The following BABAM2 variants were observed in gnomAD, a reference collection of about 807,000 sequenced individuals.
BABAM2 encodes BRISC and BRCA1-A complex member 2.
Under a neutral mutation model 54.7 loss-of-function variants are expected in BABAM2, and 31 were observed. The observed-to-expected ratio is 0.57, with a 90% CI of 0.43 to 0.77. The LOEUF is 0.77. BABAM2 is among the 30% of genes least tolerant of loss of function. The probability of loss-of-function intolerance (pLI) is 0.00; values close to 1 mark genes in which losing one functional copy is unlikely to be tolerated. For synonymous variants in BABAM2, 167 were observed against 162.9 expected, an observed-to-expected ratio of 1.03 and a Z score of -0.19; for missense variants, 364 against 455.8, an observed-to-expected ratio of 0.80 and a Z score of 1.83.
intron 7 of BABAM2, among the ~76,000 whole-genome samples, chr2:28,149,349 C>T (rs1045993030): frequency 3.3e-5 from 5 of 152,138 alleles, no homozygotes; most frequent in African/African-American, 9.7e-5. Flanking sequence ...TTCATTCCCC[C>T]GTCTTGTTGT....
At chr2:28,220,824 A>G (rs1380310859) in intron 7 of BABAM2, among the ~76,000 whole-genome samples, 1 of 152,122 alleles carries the variant, frequency 6.6e-6, no homozygotes, top group Non-Finnish European at 1.5e-5. Flanking sequence ...TAGGACGCTG[A>G]GGTAGGAGGA....
At chr2:27,959,912 T>G (rs1246070464) in intron 3 of BABAM2, among the ~76,000 whole-genome samples, 2 of 152,192 alleles carry the variant, frequency 1.3e-5, no homozygotes, top group African/African-American at 4.8e-5. Context: ...ATAGTTTTAT[T>G]TTTATTTTTT....
At chr2:28,107,232 G>A (rs548629416) in intron 6 of BABAM2, among the ~76,000 whole-genome samples, 1 of 151,840 alleles carries the variant, frequency 6.6e-6, no homozygotes, top group Non-Finnish European at 1.5e-5. Context: ...CTCTCCTCTG[G>A]ACCACTCTAG....
chr2:28,200,009 T>G (rs1238244380), intron 7 of BABAM2, among the ~76,000 whole-genome samples: 1 of 152,228 alleles, frequency 6.6e-6, no homozygotes. Flanking sequence ...AGCACTTGTA[T>G]CTTTTCTACT....
intron 7 of BABAM2, among the ~76,000 whole-genome samples, chr2:28,196,222 GA>G (rs965641648): frequency 6.6e-6 from 1 of 151,938 alleles, no homozygotes; most frequent in African/African-American, 2.4e-5. Context: ...AGCTACTCGG[GA>G]GGCTGAGGTA....
At chr2:28,219,512 A>C (rs188391002) in intron 7 of BABAM2, among the ~76,000 whole-genome samples, 62 of 152,228 alleles carry the variant, frequency 4.1e-4, no homozygotes, top group Admixed American at 9.8e-4. Context: ...CATCTCACCA[A>C]AGTCCCTTTA....
intron 6 of BABAM2, among the ~76,000 whole-genome samples, chr2:28,077,069 G>T (rs1664755266): frequency 6.6e-6 from 1 of 152,036 alleles, no homozygotes; most frequent in African/African-American, 2.4e-5. Flanking sequence ...AGGCTGACAG[G>T]CCTTTTCAGC....
rs1382025323 is a variant in BABAM2 at position 27,958,566 on chromosome 2, A to G, written c.205+28658A>G. On this transcript the variant is annotated intron_variant, in intron 3 of 11. Transcript: ENST00000379624. ...TATGTTTATATATACACACACATAT[A>G]TATGTATATATGTATATTTAGTTTT... is the stretch of plus-strand genomic sequence containing the variant. 2.7e-5 allele frequency among the ~76,000 whole-genome samples: 4 copies of G among 150,716 alleles called. No homozygotes were observed. The South Asian group carries it at 6.2e-4, about 24-fold the overall frequency.
chr2:27,949,737 C>G (rs192679210), intron 3 of BABAM2, among the ~76,000 whole-genome samples: 2 of 152,220 alleles, frequency 1.3e-5, no homozygotes, highest in Admixed American at 1.3e-4. Context: ...TTTCTTTTCC[C>G]TCAACCCTTT....
At chr2:28,309,804 T>G in intron 11 of BABAM2, 4 of 339,652 alleles carry the variant, frequency 1.2e-5, no homozygotes, top group South Asian at 1.2e-4. Context: ...GATGAGGGAG[T>G]TTTCCAGGCC....
intron 3 of BABAM2, among the ~76,000 whole-genome samples, chr2:27,948,857 GTATTAA>G (rs1669497387): frequency 6.6e-6 from 1 of 152,198 alleles, no homozygotes; most frequent in African/African-American, 2.4e-5. Context: ...TCACCATTAA[GTATTAA>G]TATTATGTTG....
intron 10 of BABAM2, among the ~76,000 whole-genome samples, chr2:28,273,182 G>A (rs1685572509): frequency 6.6e-6 from 1 of 152,202 alleles, no homozygotes; most frequent in African/African-American, 2.4e-5. Context: ...TGAGGCTTCA[G>A]CCCTTGGAAT....
At chr2:28,128,663 G>A (rs972533819) in intron 6 of BABAM2, among the ~76,000 whole-genome samples, 2 of 152,056 alleles carry the variant, frequency 1.3e-5, no homozygotes, top group Non-Finnish European at 2.9e-5. Context: ...GTACATACTT[G>A]GATCAACAAT....
intron 4 of BABAM2, among the ~76,000 whole-genome samples, chr2:27,992,511 T>A (rs1001363731): frequency 6.6e-6 from 1 of 152,122 alleles, no homozygotes; most frequent in African/African-American, 2.4e-5. Flanking sequence ...ATAATTAAAA[T>A]GTTGGAATAA....
chr2:28,126,272 T>C (rs1384752892), intron 6 of BABAM2, among the ~76,000 whole-genome samples: 2 of 148,672 alleles, frequency 1.3e-5, no homozygotes, highest in Non-Finnish European at 3.0e-5. Context: ...TACGTATATC[T>C]CCTAATGCTA....
chr2:28,246,155 G>A lies in BABAM2; in HGVS notation c.934+1293G>A, dbSNP rs116073863. ...TCACCATCATAACCTACAGTGTGGG[G>A]CCAGGTAAGGAGGAAGCCCCACAAT... On this transcript the variant is annotated intron_variant, in intron 10 of 11. Coordinates refer to ENST00000379624, the MANE Select transcript of BABAM2 (RefSeq NM_199191.3). Among the ~76,000 whole-genome samples the A allele has an allele frequency of 3.5e-3, 531 of 152,230 alleles. 3 individuals are homozygous for A. Among genetic ancestry groups the A allele is most frequent in the African/African-American group, 0.011 (471 of 41,550 alleles).
At chr2:28,224,573 TG>T (rs1481951629) in intron 7 of BABAM2, among the ~76,000 whole-genome samples, 2 of 152,214 alleles carry the variant, frequency 1.3e-5, no homozygotes, top group African/African-American at 4.8e-5. Flanking sequence ...CGTGCCTGAA[TG>T]GTGCTCAAGA....
intron 7 of BABAM2, among the ~76,000 whole-genome samples, chr2:28,163,390 C>T (rs1558396307): frequency 6.6e-6 from 1 of 152,130 alleles, no homozygotes; most frequent in Non-Finnish European, 1.5e-5. Flanking sequence ...AGCTGGCTAT[C>T]AGGGAGACTT....
At chr2:28,218,479 C>T (rs781021080) in intron 7 of BABAM2, among the ~76,000 whole-genome samples, 7 of 152,300 alleles carry the variant, frequency 4.6e-5, no homozygotes, top group Non-Finnish European at 7.4e-5. Flanking sequence ...TTGAAGAGTA[C>T]ATATCAGTCA....
Sources: gnomAD v4.1 joint callset for allele counts (sites outside exome capture counted in the v4.1 genomes callset) on GRCh38, gnomAD v4.1.1 for gene constraint, MANE v1.5 for transcripts, NCBI Gene and HGNC (gene_info 2026-07-23, HGNC 2026-07-21) for gene names.